The following GPHN variants were observed in gnomAD, a reference collection of about 807,000 sequenced individuals.
The protein encoded by GPHN is gephyrin.
GPHN carries 17 observed loss-of-function variants against 95.5 expected under a neutral mutation model. That is an observed-to-expected ratio of 0.18 (90% CI 0.12 to 0.27). GPHN has a LOEUF of 0.27. Among genes scored for constraint, GPHN ranks in the 10% least tolerant of loss-of-function variants. The pLI is 1.00. For missense variants in GPHN, 660 were observed against 978.1 expected, an observed-to-expected ratio of 0.67 and a Z score of 4.34; for synonymous variants, 320 against 322.5, an observed-to-expected ratio of 0.99 and a Z score of 0.08.
chr14:67,508,590 A>T, the GPHN span, among the ~76,000 whole-genome samples: 2 of 151,418 alleles, frequency 1.3e-5, no homozygotes, highest in Admixed American at 1.3e-4. Flanking sequence ...ATACTTCAAA[A>T]TGGTGGAAGA....
chr14:66,925,112 C>T (rs2153562760), intron 8 of GPHN, among the ~76,000 whole-genome samples: 1 of 152,102 alleles, frequency 6.6e-6, no homozygotes, highest in East Asian at 1.9e-4. Flanking sequence ...GAAGATACTA[C>T]CAAGTGAAGA....
chr14:67,725,368 G>A, the GPHN span: 13 of 1,101,636 alleles, frequency 1.2e-5, no homozygotes, highest in Non-Finnish European at 1.6e-5. Context: ...CACTAGACAG[G>A]TTCTGCCACA....
At chr14:67,253,845 A>T in the GPHN span, among the ~76,000 whole-genome samples, 1 of 142,548 alleles carries the variant, frequency 7.0e-6, no homozygotes, top group Non-Finnish European at 1.5e-5. Context: ...TCTCAAAAAG[A>T]AAAAAAAAAA....
chr14:67,719,318 T>C, the GPHN span, among the ~76,000 whole-genome samples: 2,370 of 152,310 alleles, frequency 0.016, 73 homozygotes, highest in African/African-American at 0.054. Flanking sequence ...TTTGAGGAAC[T>C]CGCAATAGAA....
At chr14:67,259,564 A>G in the GPHN span, among the ~76,000 whole-genome samples, 1 of 152,072 alleles carries the variant, frequency 6.6e-6, no homozygotes, top group Non-Finnish European at 1.5e-5. Context: ...GTGAGCCAAG[A>G]TTGAGCCACT....
the GPHN span, among the ~76,000 whole-genome samples, chr14:67,632,694 A>G: frequency 8.6e-5 from 13 of 151,634 alleles, no homozygotes; most frequent in African/African-American, 3.2e-4. Flanking sequence ...TGAGAGGCCT[A>G]TTTAGTCATT....
chr14:67,297,539 A>G, the GPHN span, among the ~76,000 whole-genome samples: 2 of 152,220 alleles, frequency 1.3e-5, no homozygotes, highest in South Asian at 2.1e-4. Context: ...AATTTTAAAC[A>G]GATTTATATA....
At chr14:66,778,508 GTTC>G (rs2059474732) in intron 3 of GPHN, among the ~76,000 whole-genome samples, 1 of 151,894 alleles carries the variant, frequency 6.6e-6, no homozygotes, top group Admixed American at 6.6e-5. Flanking sequence ...ATAATATGTT[GTTC>G]TTTTTCAAAA....
chr14:67,322,163 C>T, the GPHN span, among the ~76,000 whole-genome samples: 16 of 151,896 alleles, frequency 1.1e-4, no homozygotes, highest in African/African-American at 3.1e-4. Flanking sequence ...CTGGGCAACA[C>T]GGCAAAGCCC....
chr14:67,674,259 G>T, the GPHN span: 1 of 971,982 alleles, frequency 1.0e-6, no homozygotes, highest in Non-Finnish European at 1.5e-6. Flanking sequence ...TAGGGGGCGT[G>T]TCTGAGGACG....
In GPHN at chr14:66,707,584, AT is replaced by A. The variant is rs1274915250; in HGVS notation, c.143+26400del. Among the ~76,000 whole-genome samples, 4 of 152,282 alleles carry A rather than the reference AT, an allele frequency of 2.6e-5. No individual in the cohort carries two copies. In the East Asian group the frequency reaches 7.7e-4, roughly 29 times the overall value. The stretch of plus-strand genomic sequence containing the variant: ...GTGGGAACAGAAAACCAAACACCCC[AT>A]GTTCTCACTCTTAAGTGGGTGTTGA... On this transcript the variant is annotated intron_variant, in intron 2 of 22. Transcript: ENST00000478722.
chr14:67,239,383 C>T, the GPHN span, among the ~76,000 whole-genome samples: 2 of 152,050 alleles, frequency 1.3e-5, no homozygotes, highest in African/African-American at 2.4e-5. Flanking sequence ...GCTACTGGCA[C>T]GTAGTGGGTA....
At chr14:67,110,302 A>G in intron 14 of GPHN, 43 bp downstream of exon 14, 1 of 1,606,886 alleles carries the variant, frequency 6.2e-7, no homozygotes, top group South Asian at 1.1e-5. Flanking sequence ...TTCCTATGGC[A>G]GTATTATGTC....
chr14:67,397,331 A>G, the GPHN span, among the ~76,000 whole-genome samples: 2 of 152,350 alleles, frequency 1.3e-5, no homozygotes, highest in South Asian at 4.1e-4. Flanking sequence ...ACCCCAAGAT[A>G]GCAGTAATTA....
At chr14:67,303,582 C>A in the GPHN span, 2 of 1,613,270 alleles carry the variant, frequency 1.2e-6, no homozygotes, top group Non-Finnish European at 1.7e-6. Flanking sequence ...CAAGCCGCCT[C>A]CTGCCAAGGA....
chr14:67,169,377 T>C (rs2082468682), intron 21 of GPHN, among the ~76,000 whole-genome samples: 1 of 152,230 alleles, frequency 6.6e-6, no homozygotes. Flanking sequence ...GGGAGAATTT[T>C]CTTTTCCCCA....
the GPHN span, chr14:67,569,037 G>A: frequency 1.3e-6 from 1 of 742,244 alleles, no homozygotes; most frequent in Non-Finnish European, 2.3e-6. Flanking sequence ...CCCCCCACAG[G>A]TCTGCCCACC....
chr14:66,683,339 T>TGTTC lies in GPHN; in HGVS notation c.143+2154_143+2155insGTTC, dbSNP rs1163375869. Among the ~76,000 whole-genome samples the TGTTC allele has an allele frequency of 3.9e-4, 26 of 67,180 alleles. 1 individual carries two copies. Among genetic ancestry groups the TGTTC allele is most frequent in the African/African-American group, 6.4e-4 (7 of 10,866 alleles). The allele number at this position is 67,180 out of a possible 152,430, so 44.1% of individuals were successfully genotyped here. On this transcript the variant is annotated intron_variant, in intron 2 of 22. Transcript: ENST00000478722. ...AATGCCCAATGTGGAAATATATATATATATATATATATATATATATATATA... is the reference window on the plus strand; with the variant it reads ...AATGCCCAATGTGGAAATATATATATGTTCATATATATATATATATATATATATA...
chr14:67,039,659 T>G (rs2074598164), intron 10 of GPHN, among the ~76,000 whole-genome samples: 1 of 152,088 alleles, frequency 6.6e-6, no homozygotes, highest in Non-Finnish European at 1.5e-5. Context: ...TTGGATGTGG[T>G]GGCACATGCT....
Sources: gnomAD v4.1 joint callset for allele counts (sites outside exome capture counted in the v4.1 genomes callset) on GRCh38, gnomAD v4.1.1 for gene constraint, MANE v1.5 for transcripts, NCBI Gene and HGNC (gene_info 2026-07-23, HGNC 2026-07-21) for gene names.